The following ANGPT4 variants were observed in gnomAD, a reference collection of about 807,000 sequenced individuals.
ANGPT4 encodes the protein angiopoietin 4, also known as angiopoietin-4.
In ANGPT4, 50 loss-of-function variants were observed where a neutral mutation model predicts 53.0. The observed-to-expected ratio is 0.94, with a 90% CI of 0.75 to 1.20. The LOEUF (loss-of-function observed/expected upper bound fraction) is 1.20, where lower values mean the gene tolerates loss of function less well. Ranked by LOEUF, ANGPT4 falls within the 50% of genes most tolerant of loss-of-function variation. The pLI is 0.00. For synonymous variants in ANGPT4, 251 were observed against 259.7 expected (o/e 0.97, Z 0.32); for missense variants, 648 against 637.1 (o/e 1.02, Z -0.18).
chr20:889,897 C>T (rs1981765421), intron 2 of ANGPT4, among the ~76,000 whole-genome samples: 1 of 152,236 alleles, frequency 6.6e-6, no homozygotes, highest in Non-Finnish European at 1.5e-5. Context: ...TATCCATCTT[C>T]CCCTGGCACA....
At chr20:900,467 C>T (rs2122842149) in intron 1 of ANGPT4, among the ~76,000 whole-genome samples, 1 of 152,280 alleles carries the variant, frequency 6.6e-6, no homozygotes, top group South Asian at 2.1e-4. Context: ...GTCTCTTCTT[C>T]CTCTGTGGAT....
chr20:880,453 T>C (rs910088143), intron 5 of ANGPT4, among the ~76,000 whole-genome samples: 1 of 152,060 alleles, frequency 6.6e-6, no homozygotes, highest in Non-Finnish European at 1.5e-5. Flanking sequence ...CAGGCCATGG[T>C]GGCATGTGTC....
At chr20:910,085 A>C (rs1982641422) in intron 1 of ANGPT4, among the ~76,000 whole-genome samples, 1 of 152,222 alleles carries the variant, frequency 6.6e-6, no homozygotes, top group Admixed American at 6.5e-5. Flanking sequence ...TTTATTGGAC[A>C]GAAAACTGGC....
chr20:878,471 A>C, intron 6 of ANGPT4, 144 bp from the exon 7 acceptor site: 1 of 705,130 alleles, frequency 1.4e-6, no homozygotes, highest in Non-Finnish European at 2.1e-6. Context: ...CAGTGTAGGC[A>C]GGACTGGGAG....
At chr20:895,301 G>A (rs1038686302) in intron 1 of ANGPT4, among the ~76,000 whole-genome samples, 2 of 152,148 alleles carry the variant, frequency 1.3e-5, no homozygotes, top group African/African-American at 4.8e-5. Flanking sequence ...GGGTACAAAG[G>A]CCTGACCTTT....
At chr20:907,731 C>T (rs973250834) in intron 1 of ANGPT4, among the ~76,000 whole-genome samples, 1 of 152,182 alleles carries the variant, frequency 6.6e-6, no homozygotes, top group Non-Finnish European at 1.5e-5. Flanking sequence ...TTCTGCAAGG[C>T]CTCTTGGCTA....
Position 871,085 on chromosome 20 carries a change from G to C in ANGPT4, c.*1875C>G. 1 of 152,262 alleles carries C rather than the reference G, an allele frequency of 6.6e-6. No individual in the cohort carries two copies. Among genetic ancestry groups the C allele is most frequent in the East Asian group, 1.9e-4 (1 of 5,198 alleles). The allele number at this position is 152,262 out of a possible 1,614,324, so 9.4% of individuals were successfully genotyped here. A position where few individuals can be genotyped will look rare whatever the true frequency, so the allele number is the denominator to read the frequency against. On this transcript the variant is annotated 3_prime_UTR_variant, in exon 9 of 9. Coordinates refer to ENST00000381922, the MANE Select transcript of ANGPT4 (RefSeq NM_015985.4). ...CCACCACACCACACTGCACACAGTAGAGGCTAAATAAAGGTCTGCTGGGCA... is the reference window on the plus strand; with the variant it reads ...CCACCACACCACACTGCACACAGTACAGGCTAAATAAAGGTCTGCTGGGCA...
At chr20:885,369 G>A (rs1162898936) in intron 3 of ANGPT4, 44 bp from the exon 4 acceptor site, 3 of 1,493,126 alleles carry the variant, frequency 2.0e-6, no homozygotes, top group Non-Finnish European at 1.8e-6. Context: ...GCATCCTCGC[G>A]AAGCACGCAC....
chr20:891,947 G>T (rs1470337086), intron 1 of ANGPT4, among the ~76,000 whole-genome samples: 2 of 152,050 alleles, frequency 1.3e-5, no homozygotes, highest in African/African-American at 4.8e-5. Flanking sequence ...AACTCTTAAT[G>T]GTGCCCAGCC....
At chr20:879,724 C>G (rs761310089) in intron 6 of ANGPT4, 23 bp downstream of exon 6, 1 of 1,604,512 alleles carries the variant, frequency 6.2e-7, no homozygotes, top group South Asian at 1.1e-5. Context: ...CAGAATGGCC[C>G]CTCCCCAAGG....
intron 8 of ANGPT4, 123 bp from the exon 9 acceptor site, chr20:873,243 A>G (rs1981018694): frequency 5.0e-6 from 2 of 398,808 alleles, no homozygotes; most frequent in South Asian, 2.3e-5. Context: ...CTGGGAAGCC[A>G]GCTGGCTGGG....
chr20:896,515 G>A (rs1479175020), intron 1 of ANGPT4, among the ~76,000 whole-genome samples: 1 of 152,156 alleles, frequency 6.6e-6, no homozygotes, highest in Non-Finnish European at 1.5e-5. Flanking sequence ...GAGCGTGTCT[G>A]GTATTTGAGG....
chr20:915,816 G>A, intron 1 of ANGPT4, 90 bp downstream of exon 1: 1 of 1,444,224 alleles, frequency 6.9e-7, no homozygotes, highest in Non-Finnish European at 9.3e-7. Context: ...CTGTGCTCAG[G>A]GAAGGCCTCT....
At chr20:895,321 TC>T (rs1270938149) in intron 1 of ANGPT4, among the ~76,000 whole-genome samples, 2 of 152,166 alleles carry the variant, frequency 1.3e-5, no homozygotes, top group Non-Finnish European at 2.9e-5. Context: ...TTGTCACCCT[TC>T]CAGCTGGCAA....
At chr20:904,859 TG>T (rs1568854719) in intron 1 of ANGPT4, among the ~76,000 whole-genome samples, 1 of 152,170 alleles carries the variant, frequency 6.6e-6, no homozygotes, top group Non-Finnish European at 1.5e-5. Context: ...CTCAAACTCC[TG>T]AGCTCGAGTG....
At chr20:898,250 A>G (rs1224076577) in intron 1 of ANGPT4, among the ~76,000 whole-genome samples, 1 of 151,936 alleles carries the variant, frequency 6.6e-6, no homozygotes, top group Non-Finnish European at 1.5e-5. Context: ...CCCCTACCCT[A>G]TAATCCTTCT....
At chr20:881,848 C>G (rs1222024148) in intron 4 of ANGPT4, among the ~76,000 whole-genome samples, 2 of 152,174 alleles carry the variant, frequency 1.3e-5, no homozygotes, top group Admixed American at 6.5e-5. Flanking sequence ...GGATGAGACT[C>G]AAAGCTGGGA....
At position 908,601 on chromosome 20, in the gene ANGPT4, A is replaced by AG. The variant is rs1461284322; in HGVS notation, c.309+7304dup. 6.6e-6 allele frequency among the ~76,000 whole-genome samples: 1 copy of AG among 152,178 alleles called. No individual in the cohort carries two copies. Among genetic ancestry groups the AG allele is most frequent in the African/African-American group, 2.4e-5 (1 of 41,444 alleles). Reference sequence around the variant, plus strand: ...AGTTACACCCACTGCTCCAGGGGCAAGGGGGAAGGATGGTCTTCCTTGCTC... The same window carrying AG: ...AGTTACACCCACTGCTCCAGGGGCAAGGGGGGAAGGATGGTCTTCCTTGCTC... On this transcript the variant is annotated intron_variant, in intron 1 of 8. Transcript: ENST00000381922. This position sits in a 1 kb window ranked among gnomAD's most constrained non-coding sequence, Gnocchi z 4.9.
At chr20:909,140 C>T (rs548041906) in intron 1 of ANGPT4, among the ~76,000 whole-genome samples, 51 of 152,214 alleles carry the variant, frequency 3.4e-4, no homozygotes, top group Non-Finnish European at 5.3e-4. Flanking sequence ...TCCGTTTCCC[C>T]GCAATAAATG....
Sources: allele counts gnomAD v4.1 joint callset (sites outside exome capture counted in the v4.1 genomes callset), GRCh38; gene constraint gnomAD v4.1.1; non-coding constraint Gnocchi (gnomAD v3.1); transcripts MANE v1.5; gene names NCBI Gene and HGNC (gene_info 2026-07-23, HGNC 2026-07-21).